The following ZNF749 variants were observed in gnomAD, a reference collection of about 807,000 sequenced individuals.
ZNF749 encodes the protein zinc finger protein 749.
In ZNF749, 8 loss-of-function variants were observed where a neutral mutation model predicts 7.3. The observed-to-expected ratio is 1.10, with a 90% CI of 0.64 to 1.98. The LOEUF is 1.98. Among genes scored for constraint, ZNF749 ranks in the 30% most tolerant of loss-of-function variants. The pLI is 0.00. For synonymous variants in ZNF749, 310 were observed against 322.4 expected (o/e 0.96, Z 0.41); for missense variants, 898 against 932.4 (o/e 0.96, Z 0.48).
rs554522902 is a variant in ZNF749, at chr19:57,435,924, G to A, written c.15+331G>A. Among the ~76,000 whole-genome samples, 5 of 152,362 alleles carry A rather than the reference G, an allele frequency of 3.3e-5. No individual in the cohort carries two copies. In the East Asian group the frequency reaches 9.6e-4, roughly 29 times the overall value. The stretch of plus-strand genomic sequence containing the variant: ...GGCTGTGCAGGGAGGACGAATGGGA[G>A]GGTCACGCCCAGAGTTAGAAGTTTA... On this transcript the variant is annotated intron_variant, in intron 1 of 2. Coordinates refer to ENST00000334181, the MANE Select transcript of ZNF749 (RefSeq NM_001023561.4).
chr19:57,441,794 C>T, intron 1 of ZNF749, 91 bp from the exon 2 acceptor site: 2 of 1,534,704 alleles, frequency 1.3e-6, no homozygotes, highest in Non-Finnish European at 1.8e-6. Flanking sequence ...GTTTGGCCCT[C>T]CAATTCTTAG....
At position 57,443,556 on chromosome 19, in the gene ZNF749, G is replaced by C; in HGVS notation, c.408G>C (p.Trp136Cys). The C allele has an allele frequency of 6.2e-7, 1 of 1,614,250 alleles. No individual in the cohort carries two copies. Among genetic ancestry groups the C allele is most frequent in the Non-Finnish European group, 8.5e-7 (1 of 1,180,046 alleles). ...IREKLTRSDE[W>C]RPSFVNHSAH... ...AGAAGCTCACCAGAAGTGATGAGTG[G>C]AGGCCTTCATTTGTGAACCACAGTG... Residue 136 changes from tryptophan (W) to cysteine (C), a missense_variant, in exon 3 of 3, where the codon TGG (tryptophan) becomes TGC (cysteine). Transcript: ENST00000334181.
chr19:57,440,768 A>G (rs1427106453), intron 1 of ZNF749, among the ~76,000 whole-genome samples: 2 of 152,036 alleles, frequency 1.3e-5, no homozygotes, highest in Non-Finnish European at 2.9e-5. Flanking sequence ...AAGGGAGAAG[A>G]GTGAGCCTGA....
At position 57,435,351 on chromosome 19, in the gene ZNF749, G is replaced by A; in HGVS notation, c.-228G>A. 1.6e-6 allele frequency: 1 copy of A among 640,550 alleles called. No homozygotes were observed. The highest frequency in any genetic ancestry group is 1.9e-5 in the South Asian group (1 of 52,306). The allele number at this position is 640,550 out of a possible 1,614,324, so 39.7% of individuals were successfully genotyped here. A position where few individuals can be genotyped will look rare whatever the true frequency, so the allele number is the denominator to read the frequency against. ...CTTCTGGCGGCGCCCTCATGGTTGC[G>A]TTAGCATGGCTACCTAGGGATCTGT... On this transcript the variant is annotated 5_prime_UTR_variant, in exon 1 of 3. Coordinates refer to ENST00000334181, the MANE Select transcript of ZNF749 (RefSeq NM_001023561.4).
chr19:57,445,400 ATGAG>A lies in ZNF749; in HGVS notation c.2255_2258del (p.Glu752ValfsTer19). ...AAAACTCACACTGGAGAAAGGTCTT[ATGAG>A]TGTGGTGAATCCAGCAAAGTGTTTA... is the stretch of plus-strand genomic sequence containing the variant. On this transcript the variant is annotated frameshift_variant, in exon 3 of 3. Transcript: ENST00000334181. LOFTEE classifies it low-confidence loss of function (END_TRUNC). 1 of 1,614,000 alleles carries A rather than the reference ATGAG, an allele frequency of 6.2e-7. No homozygotes were observed. Among genetic ancestry groups the A allele is most frequent in the Non-Finnish European group, 8.5e-7 (1 of 1,179,898 alleles).
rs1015694144 is a variant in ZNF749 at position 57,442,280 on chromosome 19, G to A, written c.142+269G>A. ...CAGGTTTCTTTAAGATATCCTAATG[G>A]CGGTGCCTGTCCCTGGTTTGATTAC... is the stretch of plus-strand genomic sequence containing the variant. On this transcript the variant is annotated intron_variant, in intron 2 of 2. Transcript: ENST00000334181. The surrounding 1 kb of genome is among the most constrained non-coding windows in gnomAD (Gnocchi z 6.6). Among the ~76,000 whole-genome samples the A allele has an allele frequency of 3.9e-5, 6 of 152,128 alleles. No individual in the cohort carries two copies. Among genetic ancestry groups the A allele is most frequent in the East Asian group, 1.9e-4 (1 of 5,192 alleles).
rs763698910 is a variant in ZNF749, at chr19:57,445,280, T to G, written c.2132T>G (p.Leu711Arg). Residue 711 changes from leucine to arginine, a missense_variant, in exon 3 of 3, where the codon CTT becomes CGT. Leu to Arg is a moderately radical substitution (Grantham distance 102, BLOSUM62 -2). Coordinates refer to ENST00000334181, the MANE Select transcript of ZNF749 (RefSeq NM_001023561.4). ...CRELFRTKSSLIIHQQSHTGE... is the reference protein window; with the variant it reads ...CRELFRTKSSRIIHQQSHTGE... ...GAATTGTTTAGGACTAAATCGAGCC[T>G]TATTATACATCAGCAGTCTCACACT... 1.2e-6 allele frequency: 2 copies of G among 1,613,750 alleles called. No individual in the cohort carries two copies.
rs999910965 is a variant in ZNF749, at chr19:57,442,862, C to T, written c.143-429C>T. On this transcript the variant is annotated intron_variant, in intron 2 of 2. Coordinates refer to ENST00000334181, the MANE Select transcript of ZNF749 (RefSeq NM_001023561.4). This position sits in a 1 kb window ranked among gnomAD's most constrained non-coding sequence, Gnocchi z 6.6. ...CCCCTCCTCTCCAGCCTTCATCTCT[C>T]CACCATTCTCTTCCACCTCTCCCTT... Among the ~76,000 whole-genome samples the T allele has an allele frequency of 6.6e-6, 1 of 152,188 alleles. No individual in the cohort carries two copies. Among genetic ancestry groups the T allele is most frequent in the African/African-American group, 2.4e-5 (1 of 41,446 alleles).
chr19:57,440,730 G>T (rs530024211), intron 1 of ZNF749, among the ~76,000 whole-genome samples: 130 of 152,080 alleles, frequency 8.5e-4, no homozygotes, highest in Non-Finnish European at 1.5e-3. Context: ...GCATGAATGC[G>T]TGGTCCCAGC....
At position 57,442,510 on chromosome 19, in the gene ZNF749, A is replaced by T. The variant is rs1373502791; in HGVS notation, c.142+499A>T. Among the ~76,000 whole-genome samples, 1 of 152,126 alleles carries T rather than the reference A, an allele frequency of 6.6e-6. No homozygotes were observed. On this transcript the variant is annotated intron_variant, in intron 2 of 2. Transcript: ENST00000334181. The surrounding 1 kb of genome is among the most constrained non-coding windows in gnomAD (Gnocchi z 6.6). ...GTCCTGGGTTTATTGCTCTGTGTAC[A>T]TGCTGTCCCCTCCCTTTCCCTGCCT...
intron 1 of ZNF749, among the ~76,000 whole-genome samples, chr19:57,440,449 G>C (rs1012443211): frequency 1.1e-4 from 16 of 151,762 alleles, no homozygotes; most frequent in African/African-American, 2.2e-4. Context: ...GTTTTGGGGG[G>C]GCTGAGGTTA....
At chr19:57,438,873 G>A (rs902315936) in intron 1 of ZNF749, among the ~76,000 whole-genome samples, 5 of 152,124 alleles carry the variant, frequency 3.3e-5, no homozygotes, top group African/African-American at 9.7e-5. Context: ...GTTCAGGCAC[G>A]GGATATAGAA....
At chr19:57,434,377 G>T (rs2123086971), upstream of ZNF749, among the ~76,000 whole-genome samples, 1 of 152,262 alleles carries the variant, frequency 6.6e-6, no homozygotes, top group South Asian at 2.1e-4. Context: ...GATTACAGGC[G>T]TGAGATACCA....
chr19:57,436,016 T>C lies in ZNF749; in HGVS notation c.15+423T>C, dbSNP rs965986201. On this transcript the variant is annotated intron_variant, in intron 1 of 2. Coordinates refer to ENST00000334181, the MANE Select transcript of ZNF749 (RefSeq NM_001023561.4). This position sits in a 1 kb window ranked among gnomAD's most constrained non-coding sequence, Gnocchi z 4.0. ...GCTGAGGAGACCCCTTGAGTTATGG[T>C]AGGGCTGGGCCAGAGGGGTTGCAGT... 2.0e-5 allele frequency among the ~76,000 whole-genome samples: 3 copies of C among 152,106 alleles called. No homozygotes were observed. Among genetic ancestry groups the C allele is most frequent in the Non-Finnish European group, 4.4e-5 (3 of 68,002 alleles).
At chr19:57,438,662 C>G (rs966511643) in intron 1 of ZNF749, among the ~76,000 whole-genome samples, 2 of 152,178 alleles carry the variant, frequency 1.3e-5, no homozygotes, top group Admixed American at 6.5e-5. Context: ...TTCTCAGGCT[C>G]TCTACCCCAG....
At chr19:57,433,696 A>G (rs999999637), upstream of ZNF749, among the ~76,000 whole-genome samples, 2 of 151,390 alleles carry the variant, frequency 1.3e-5, no homozygotes, top group African/African-American at 4.9e-5. Context: ...CCTTTTCTGA[A>G]TATAAAGAGA....
chr19:57,444,070 C>T lies in ZNF749; in HGVS notation c.922C>T (p.Leu308Phe), dbSNP rs1298733428. The T allele has an allele frequency of 1.2e-6, 2 of 1,613,880 alleles. No homozygotes were observed. The highest frequency in any genetic ancestry group is 2.7e-5 in the African/African-American group (2 of 74,900). Reference sequence around the variant, plus strand: ...ATGCACCCAGTGTGGGAAGGCCTTTCTTACACAGGCTCATCTGGTTGGTCA... The same window carrying T: ...ATGCACCCAGTGTGGGAAGGCCTTTTTTACACAGGCTCATCTGGTTGGTCA... The part of the protein sequence containing the change: ...YECTQCGKAF[L>F]TQAHLVGHQK... The change falls in exon 3 of 3, where the codon CTT becomes TTT. Residue 308 changes from leucine to phenylalanine, a missense_variant. By Grantham distance (22) the Leu-to-Phe change is conservative. Coordinates refer to ENST00000334181, the MANE Select transcript of ZNF749 (RefSeq NM_001023561.4).
At chr19:57,432,859 C>T (rs2088906135), upstream of ZNF749, among the ~76,000 whole-genome samples, 1 of 152,206 alleles carries the variant, frequency 6.6e-6, no homozygotes, top group African/African-American at 2.4e-5. Context: ...CCTTTGTTCA[C>T]TGCACCTTCA....
At chr19:57,430,086 A>T in the ZNF749 span, among the ~76,000 whole-genome samples, 1 of 152,194 alleles carries the variant, frequency 6.6e-6, no homozygotes, top group South Asian at 2.1e-4. Flanking sequence ...AGGATTTATC[A>T]TCTGAGGTTC....
Sources: allele counts gnomAD v4.1 joint callset (sites outside exome capture counted in the v4.1 genomes callset), GRCh38; gene constraint gnomAD v4.1.1; non-coding constraint Gnocchi (gnomAD v3.1); transcripts MANE v1.5; gene names NCBI Gene and HGNC (gene_info 2026-07-23, HGNC 2026-07-21).